The following DLG2 variants were observed in gnomAD, a reference collection of about 807,000 sequenced individuals.
DLG2 encodes the protein discs large MAGUK scaffold protein 2.
Under a neutral mutation model 132.5 loss-of-function variants are expected in DLG2, and 45 were observed. The ratio of observed to expected loss-of-function variants is 0.34; its 90% confidence interval spans 0.27 to 0.44. The LOEUF (loss-of-function observed/expected upper bound fraction) is 0.44, where lower values mean the gene tolerates loss of function less well. DLG2 is among the 20% of genes least tolerant of loss of function. The pLI, the probability that DLG2 is intolerant of heterozygous loss-of-function variation, is 1.00. For missense variants in DLG2, 1,045 were observed against 1,196.9 expected (o/e 0.87, Z 1.87); for synonymous variants, 424 against 419.6 (o/e 1.01, Z -0.13).
At chr11:84,200,187 A>G (rs1313045543) in intron 8 of DLG2, among the ~76,000 whole-genome samples, 2 of 152,154 alleles carry the variant, frequency 1.3e-5, no homozygotes, top group Non-Finnish European at 2.9e-5. Flanking sequence ...AGTATTCAAT[A>G]TGAGTAAGAA....
chr11:84,250,378 T>C (rs2097355883), intron 8 of DLG2, among the ~76,000 whole-genome samples: 1 of 152,196 alleles, frequency 6.6e-6, no homozygotes, highest in Non-Finnish European at 1.5e-5. Flanking sequence ...AGCACTTACT[T>C]TGTGCTAGGT....
At chr11:85,542,883 A>G (rs1353213573) in intron 3 of DLG2, among the ~76,000 whole-genome samples, 1 of 152,216 alleles carries the variant, frequency 6.6e-6, no homozygotes, top group Non-Finnish European at 1.5e-5. Context: ...ATGTAGTCAT[A>G]TGTGTTTATG....
intron 18 of DLG2, chr11:83,692,184 A>G (rs1179225944): frequency 6.6e-6 from 1 of 152,230 alleles, no homozygotes; most frequent in East Asian, 1.9e-4. Context: ...CATAATAGTC[A>G]TTAGAAAACA....
At chr11:84,355,730 C>T (rs11821095) in intron 7 of DLG2, among the ~76,000 whole-genome samples, 7,556 of 152,044 alleles carry the variant, frequency 0.05, 630 homozygotes, top group African/African-American at 0.17. Context: ...TCACAAAGGA[C>T]CTTCCTCTCA....
intron 8 of DLG2, among the ~76,000 whole-genome samples, chr11:84,208,263 G>A (rs10751105): frequency 0.71 from 108,200 of 151,696 alleles, 40,461 homozygotes; most frequent in Middle Eastern, 0.85. Flanking sequence ...TAACACAACC[G>A]ACTTTGGTGC....
chr11:84,027,801 G>A (rs1402388174), intron 11 of DLG2, among the ~76,000 whole-genome samples: 1 of 151,942 alleles, frequency 6.6e-6, no homozygotes. Flanking sequence ...CTTCATGGCA[G>A]TTCAGAGTGA....
chr11:83,904,882 A>G (rs556652474), intron 15 of DLG2, among the ~76,000 whole-genome samples: 1 of 152,264 alleles, frequency 6.6e-6, no homozygotes, highest in South Asian at 2.1e-4. Flanking sequence ...TTCTGGCTAC[A>G]GCTATTATTA....
At chr11:84,271,074 CT>C (rs1378252318) in intron 7 of DLG2, among the ~76,000 whole-genome samples, 1 of 152,016 alleles carries the variant, frequency 6.6e-6, no homozygotes, top group Non-Finnish European at 1.5e-5. Flanking sequence ...AGTACCTTTT[CT>C]GCTGACAAAA....
intron 10 of DLG2, among the ~76,000 whole-genome samples, chr11:84,084,095 G>T (rs1350371008): frequency 2.0e-5 from 3 of 151,744 alleles, no homozygotes; most frequent in African/African-American, 4.9e-5. Flanking sequence ...CCAGCTTTAT[G>T]AATAACCCTA....
At chr11:84,395,942 A>G (rs749278895) in intron 7 of DLG2, among the ~76,000 whole-genome samples, 5 of 152,228 alleles carry the variant, frequency 3.3e-5, no homozygotes, top group Admixed American at 3.3e-4. Context: ...CAGCTGCCCA[A>G]GGGCAATGGG....
At chr11:84,115,570 T>C (rs1279100506) in intron 9 of DLG2, among the ~76,000 whole-genome samples, 2 of 152,212 alleles carry the variant, frequency 1.3e-5, no homozygotes, top group Non-Finnish European at 2.9e-5. Context: ...TAGACTGCAA[T>C]TATCATGTCC....
chr11:83,749,928 CA>C (rs1459362189), intron 18 of DLG2, among the ~76,000 whole-genome samples: 1 of 152,252 alleles, frequency 6.6e-6, no homozygotes, highest in African/African-American at 2.4e-5. Flanking sequence ...TGTTACTAAT[CA>C]AAAAGACTGC....
chr11:85,437,423 A>T (rs1012031696), intron 3 of DLG2, among the ~76,000 whole-genome samples: 1 of 152,208 alleles, frequency 6.6e-6, no homozygotes, highest in African/African-American at 2.4e-5. Flanking sequence ...ATAGAAAATT[A>T]ATTTATTTGT....
rs75665304 is a variant in DLG2 at position 83,482,247 on chromosome 11, T to G, written c.2293+1882A>C. Among the ~76,000 whole-genome samples, 313 of 152,212 alleles carry G rather than the reference T, an allele frequency of 2.1e-3. 7 individuals are homozygous for G. The East Asian group carries it at 0.046, about 22-fold the overall frequency. On this transcript the variant is annotated intron_variant, in intron 22 of 27. Coordinates refer to ENST00000376104, the MANE Select transcript of DLG2 (RefSeq NM_001142699.3). ...ATACTCAGGGTTATAGAAAGAGCCCTTGAAAACAAAGTCCAGTTCAATGCA... is the reference window on the plus strand; with the variant it reads ...ATACTCAGGGTTATAGAAAGAGCCCGTGAAAACAAAGTCCAGTTCAATGCA...
chr11:84,250,058 A>G (rs778013300), intron 8 of DLG2, among the ~76,000 whole-genome samples: 2 of 152,186 alleles, frequency 1.3e-5, no homozygotes, highest in Non-Finnish European at 1.5e-5. Context: ...CTTTTGAGGT[A>G]TTTGAGGTAA....
chr11:84,498,457 A>G (rs2154501804), intron 7 of DLG2, among the ~76,000 whole-genome samples: 1 of 152,258 alleles, frequency 6.6e-6, no homozygotes, highest in East Asian at 1.9e-4. Flanking sequence ...CACCAACAAC[A>G]AAATTCTTAC....
chr11:84,494,984 A>G (rs1007359811), intron 7 of DLG2, among the ~76,000 whole-genome samples: 1 of 152,138 alleles, frequency 6.6e-6, no homozygotes, highest in Non-Finnish European at 1.5e-5. Flanking sequence ...TTCAAACACC[A>G]TGGGAAATGA....
chr11:84,934,515 G>GGTTTTTTTTTTTTTTTTTTTT (rs1566441569), intron 6 of DLG2, among the ~76,000 whole-genome samples: 3 of 40,476 alleles, frequency 7.4e-5, no homozygotes, highest in African/African-American at 1.0e-4. Context: ...TTTTTTTTTT[G>GGTTTTTTTTTTTTTTTTTTTT]TTTTGTTTTG....
chr11:84,681,093 C>T (rs116623622), intron 6 of DLG2, among the ~76,000 whole-genome samples: 195 of 152,260 alleles, frequency 1.3e-3, no homozygotes, highest in African/African-American at 4.3e-3. Flanking sequence ...GAAATGAGTT[C>T]TTTTCTATTT....
Sources: gnomAD v4.1 joint callset for allele counts (sites outside exome capture counted in the v4.1 genomes callset) on GRCh38, gnomAD v4.1.1 for gene constraint, MANE v1.5 for transcripts, NCBI Gene and HGNC (gene_info 2026-07-23, HGNC 2026-07-21) for gene names.